Variants in MAPK13 observed in about 807,000 individuals in gnomAD.
MAPK13 encodes the protein mitogen-activated protein kinase 13, also known as MAP kinase 13.
A neutral mutation model predicts 53.5 loss-of-function variants in MAPK13; 39 were observed. That is an observed-to-expected ratio of 0.73 (90% CI 0.56 to 0.95). The LOEUF (loss-of-function observed/expected upper bound fraction) is 0.95, where lower values mean the gene tolerates loss of function less well. Among genes scored for constraint, MAPK13 ranks in the 40% least tolerant of loss-of-function variants. The pLI is 0.00. For missense variants in MAPK13, 460 were observed against 471.8 expected, an observed-to-expected ratio of 0.98 and a Z score of 0.23; for synonymous variants, 179 against 190.9, an observed-to-expected ratio of 0.94 and a Z score of 0.51.
At position 36,132,617 on chromosome 6, in the gene MAPK13, C is replaced by T. The variant is rs1766342542; in HGVS notation, c.250-4C>T. 9 of 1,614,030 alleles carry T rather than the reference C, an allele frequency of 5.6e-6. No individual in the cohort carries two copies. The highest frequency in any genetic ancestry group is 1.3e-5 in the African/African-American group (1 of 74,908). ...CTAGCCCTCACAGGTGACTTCTTCC[C>T]CAGGTCATTGGGCTCCTGGATGTCT... is the stretch of plus-strand genomic sequence containing the variant. On this transcript the variant is annotated splice_polypyrimidine_tract_variant and splice_region_variant and intron_variant, in intron 2 of 11. Transcript: ENST00000211287.
intron 3 of MAPK13, 26 bp downstream of exon 3, chr6:36,132,705 G>A (rs779232304): frequency 3.1e-6 from 5 of 1,613,888 alleles, no homozygotes; most frequent in African/African-American, 1.3e-5. Flanking sequence ...CTGGGTTCTG[G>A]GGCATTTGCA....
chr6:36,144,175 GAAT>G lies in MAPK13; in HGVS notation c.*4807_*4809del, dbSNP rs1194799574. 6.6e-6 allele frequency: 1 copy of G among 152,014 alleles called. No homozygotes were observed. The highest frequency in any genetic ancestry group is 1.5e-5 in the Non-Finnish European group (1 of 68,014). The allele number at this position is 152,014 out of a possible 1,614,324, so 9.4% of individuals were successfully genotyped here. ...GCACCACCATGCCTGGCTAATTTCA[GAAT>G]AATATTTTCATACACATAAAATATG... On this transcript the variant is annotated 3_prime_UTR_variant, in exon 12 of 12. Transcript: ENST00000211287.
chr6:36,134,811 C>T (rs1022265795), intron 3 of MAPK13, among the ~76,000 whole-genome samples: 5 of 151,966 alleles, frequency 3.3e-5, no homozygotes, highest in Non-Finnish European at 5.9e-5. Flanking sequence ...GTCAGGAGTT[C>T]GAGACCAGCC....
In MAPK13 at chr6:36,130,844, G is replaced by A; in HGVS notation, c.119+143G>A. On this transcript the variant is annotated intron_variant, in intron 1 of 11. Coordinates refer to ENST00000211287, the MANE Select transcript of MAPK13 (RefSeq NM_002754.5). This position sits in a 1 kb window ranked among gnomAD's most constrained non-coding sequence, Gnocchi z 4.5. ...AGCGCCCTCCCCGGGGCCACCCAGC[G>A]GCCATCTCCCTTTTCTCACCGAGTG... 1 of 522,810 alleles carries A rather than the reference G, an allele frequency of 1.9e-6. No homozygotes were observed. The highest frequency in any genetic ancestry group is 3.8e-5 in the Admixed American group (1 of 26,442). 32.4% of individuals were successfully genotyped at this position (522,810 alleles called of 1,614,324 possible).
In MAPK13 at chr6:36,136,375, C is replaced by A. The variant is rs1029219997; in HGVS notation, c.448-109C>A. ...CATTTTACACATGAAGAAACTGAGGCCCAGAAGGGGAAGGGGCCTGGCTGA... is the reference window on the plus strand; with the variant it reads ...CATTTTACACATGAAGAAACTGAGGACCAGAAGGGGAAGGGGCCTGGCTGA... On this transcript the variant is annotated intron_variant, in intron 5 of 11. Transcript: ENST00000211287. 6.6e-6 allele frequency: 6 copies of A among 903,842 alleles called. No individual in the cohort carries two copies. The African/African-American group carries it at 6.7e-5, about 10-fold the overall frequency. The allele number at this position is 903,842 out of a possible 1,614,324, so 56.0% of individuals were successfully genotyped here.
At chr6:36,136,079 G>C (rs1335957370) in intron 5 of MAPK13, 31 bp downstream of exon 5, 1 of 1,613,834 alleles carries the variant, frequency 6.2e-7, no homozygotes, top group South Asian at 1.1e-5. Flanking sequence ...GGTCCTCAGA[G>C]GCCCCTGTCC....
rs1024130706 is a variant in MAPK13, at chr6:36,143,348, C to T, written c.*3975C>T. The T allele has an allele frequency of 1.3e-5, 2 of 152,104 alleles. No individual in the cohort carries two copies. The highest frequency in any genetic ancestry group is 4.8e-5 in the African/African-American group (2 of 41,392). The allele number at this position is 152,104 out of a possible 1,614,324, so 9.4% of individuals were successfully genotyped here. On this transcript the variant is annotated 3_prime_UTR_variant, in exon 12 of 12. Transcript: ENST00000211287. ...GGCAAGCCCAGTGTGCACCAGTGCCCAGAGCTGCCTGATGGAGGAACAGCT... is the reference window on the plus strand; with the variant it reads ...GGCAAGCCCAGTGTGCACCAGTGCCTAGAGCTGCCTGATGGAGGAACAGCT...
rs866584286 is a variant in MAPK13, at chr6:36,136,923, G to A, written c.655G>A (p.Gly219Arg). The change falls in exon 8 of 12, where the codon GGG (glycine) becomes AGG (arginine). Residue 219 changes from glycine to arginine, a missense_variant. Physicochemically the swap from Gly to Arg is moderately radical, Grantham distance 125. Coordinates refer to ENST00000211287, the MANE Select transcript of MAPK13 (RefSeq NM_002754.5). Reference protein sequence around the residue: ...VGCIMAEMLTGKTLFKGKDYL... With the variant: ...VGCIMAEMLTRKTLFKGKDYL... ...CTGTATCATGGCAGAGATGCTGACA[G>A]GGAAAACTCTGTTCAAGGGGAAAGA... is the stretch of plus-strand genomic sequence containing the variant. The A allele has an allele frequency of 6.2e-7, 1 of 1,614,212 alleles. No homozygotes were observed. Among genetic ancestry groups the A allele is most frequent in the Middle Eastern group, 1.6e-4 (1 of 6,062 alleles).
At position 36,142,331 on chromosome 6, in the gene MAPK13, C is replaced by T. The variant is rs1488184571; in HGVS notation, c.*2958C>T. On this transcript the variant is annotated 3_prime_UTR_variant, in exon 12 of 12. Transcript: ENST00000211287. This position sits in a 1 kb window ranked among gnomAD's most constrained non-coding sequence, Gnocchi z 4.4. ...CCAGTGCAGCCCAGTGCACAGGTCC[C>T]GATATTGCCTCTCCCCAAGTAGGCT... The T allele has an allele frequency of 5.2e-5, 8 of 152,470 alleles. No homozygotes were observed. The highest frequency in any genetic ancestry group is 8.8e-5 in the Non-Finnish European group (6 of 68,122). The allele number at this position is 152,470 out of a possible 1,614,324, so 9.4% of individuals were successfully genotyped here. A position where few individuals can be genotyped will look rare whatever the true frequency, so the allele number is the denominator to read the frequency against.
rs891001958 is a variant in MAPK13 at position 36,138,792 on chromosome 6, A to C, written c.841+12A>C. ...GGCCAGCCCCCAGGGTGAGTCTCAG[A>C]GCCCGCTCCCCAGGGGCCTCTCAGC... On this transcript the variant is annotated intron_variant, in intron 10 of 11. Coordinates refer to ENST00000211287, the MANE Select transcript of MAPK13 (RefSeq NM_002754.5). 2 of 1,614,116 alleles carry C rather than the reference A, an allele frequency of 1.2e-6. No homozygotes were observed. Among genetic ancestry groups the C allele is most frequent in the South Asian group, 2.2e-5 (2 of 91,086 alleles).
At chr6:36,135,982 T>G (rs757570001) in intron 4 of MAPK13, 37 bp from the exon 5 acceptor site, 1 of 1,613,754 alleles carries the variant, frequency 6.2e-7, no homozygotes, top group East Asian at 2.2e-5. Flanking sequence ...GTGTGGAAGC[T>G]GGGCCATGGA....
Position 36,132,624 on chromosome 6 carries a change from A to T in MAPK13, c.253A>T (p.Ile85Phe). Residue 85 changes from isoleucine to phenylalanine, a missense_variant, in exon 3 of 12, where the codon ATT (isoleucine) becomes TTT (phenylalanine). Physicochemically the swap from Ile to Phe is conservative, Grantham distance 21 (BLOSUM62 0). Coordinates refer to ENST00000211287, the MANE Select transcript of MAPK13 (RefSeq NM_002754.5). The stretch of plus-strand genomic sequence containing the variant: ...TCACAGGTGACTTCTTCCCCAGGTC[A>T]TTGGGCTCCTGGATGTCTTCACCCC... ...LLKHMQHENV[I>F]GLLDVFTPAS... 6.2e-7 allele frequency: 1 copy of T among 1,614,186 alleles called. No individual in the cohort carries two copies. Among genetic ancestry groups the T allele is most frequent in the Non-Finnish European group, 8.5e-7 (1 of 1,180,010 alleles).
At position 36,130,961 on chromosome 6, in the gene MAPK13, C is replaced by T. The variant is rs973690596; in HGVS notation, c.119+260C>T. The T allele has an allele frequency of 5.8e-6, 3 of 517,236 alleles. No homozygotes were observed. In the African/African-American group the frequency reaches 5.8e-5, roughly 10 times the overall value. The allele number at this position is 517,236 out of a possible 1,614,324, so 32.0% of individuals were successfully genotyped here. On this transcript the variant is annotated intron_variant, in intron 1 of 11. Coordinates refer to ENST00000211287, the MANE Select transcript of MAPK13 (RefSeq NM_002754.5). This position sits in a 1 kb window ranked among gnomAD's most constrained non-coding sequence, Gnocchi z 4.5. ...GACCCCAGAGTTCATCGGGCAGATC[C>T]TCACTGTTACAGACGAGTACACCGA...
chr6:36,137,290 C>T (rs572236837), intron 8 of MAPK13, among the ~76,000 whole-genome samples: 2 of 152,092 alleles, frequency 1.3e-5, no homozygotes, highest in South Asian at 2.1e-4. Context: ...CTGAGGCGGG[C>T]AGATCATGAG....
At position 36,135,839 on chromosome 6, in the gene MAPK13, A is replaced by G. The variant is rs780767262; in HGVS notation, c.395A>G (p.Tyr132Cys). 1.2e-5 allele frequency: 20 copies of G among 1,613,808 alleles called. No individual in the cohort carries two copies. In the Middle Eastern group the frequency reaches 8.2e-4, roughly 66 times the overall value. The part of the protein sequence containing the change: ...FSEEKIQYLV[Y>C]QMLKGLKYIH... Reference sequence around the variant, plus strand: ...GAGGAGAAGATCCAGTACCTGGTGTATCAGATGCTCAAAGGCCTTAAGGTG... The same window carrying G: ...GAGGAGAAGATCCAGTACCTGGTGTGTCAGATGCTCAAAGGCCTTAAGGTG... The change falls in exon 4 of 12, where the codon TAT (tyrosine) becomes TGT (cysteine). Residue 132 changes from tyrosine (Y) to cysteine (C), a missense_variant. Transcript: ENST00000211287.
intron 8 of MAPK13, 131 bp downstream of exon 8, chr6:36,137,081 C>A: frequency 1.3e-6 from 1 of 784,820 alleles, no homozygotes; most frequent in Non-Finnish European, 2.1e-6. Context: ...TTTGTAAATG[C>A]AGATAAGGCT....
In MAPK13 at chr6:36,132,784, G is replaced by C; in HGVS notation, c.308+105G>C. Reference sequence around the variant, plus strand: ...GTTTCTATTCCGGGTGTGGCGGGGAGAGCCTCCTTCCCTGGCAGTCCTGTG... The same window carrying C: ...GTTTCTATTCCGGGTGTGGCGGGGACAGCCTCCTTCCCTGGCAGTCCTGTG... On this transcript the variant is annotated intron_variant, in intron 3 of 11. Transcript: ENST00000211287. 4 of 1,205,058 alleles carry C rather than the reference G, an allele frequency of 3.3e-6. No individual in the cohort carries two copies. The South Asian group carries it at 3.7e-5, about 11-fold the overall frequency. 74.6% of individuals were successfully genotyped at this position (1,205,058 alleles called of 1,614,324 possible).
chr6:36,138,486 T>C, intron 9 of MAPK13, 42 bp downstream of exon 9: 1 of 1,589,196 alleles, frequency 6.3e-7, no homozygotes, highest in Non-Finnish European at 8.6e-7. Context: ...GGCTGTGTGC[T>C]TGCCTGACGT....
At chr6:36,136,392 C>T in intron 5 of MAPK13, 92 bp from the exon 6 acceptor site, 1 of 1,096,720 alleles carries the variant, frequency 9.1e-7, no homozygotes, top group Non-Finnish European at 1.3e-6. Flanking sequence ...GGGGAAGGGG[C>T]CTGGCTGAGG....
Sources: allele counts gnomAD v4.1 joint callset (sites outside exome capture counted in the v4.1 genomes callset), GRCh38; gene constraint gnomAD v4.1.1; non-coding constraint Gnocchi (gnomAD v3.1); transcripts MANE v1.5; gene names NCBI Gene and HGNC (gene_info 2026-07-23, HGNC 2026-07-21).